GPATCH1: variants seen among roughly 807,000 people sequenced by gnomAD.
GPATCH1 encodes the protein G patch domain-containing protein 1.
Under a neutral mutation model 114.9 loss-of-function variants are expected in GPATCH1, and 73 were observed. The observed-to-expected ratio is 0.64, with a 90% CI of 0.53 to 0.77. The LOEUF (loss-of-function observed/expected upper bound fraction) is 0.77, where lower values mean the gene tolerates loss of function less well. Ranked by LOEUF, GPATCH1 falls within the 30% of genes least tolerant of loss-of-function variation. The pLI is 0.00. For synonymous variants in GPATCH1, 391 were observed against 428.4 expected (o/e 0.91, Z 1.08); for missense variants, 1,058 against 1,144.3 (o/e 0.92, Z 1.09).
chr19:33,101,970 A>G (rs1972731822), intron 9 of GPATCH1, among the ~76,000 whole-genome samples: 2 of 150,620 alleles, frequency 1.3e-5, no homozygotes, highest in Non-Finnish European at 2.9e-5. Context: ...TGGAGGTTAC[A>G]GTGAGCCAAG....
At chr19:33,118,066 G>C (rs751076152) in intron 16 of GPATCH1, 25 bp downstream of exon 16, 1 of 1,512,160 alleles carries the variant, frequency 6.6e-7, no homozygotes, top group East Asian at 2.3e-5. Flanking sequence ...CAGACTCGGG[G>C]ATCTAAAGGA....
In GPATCH1 at chr19:33,111,827, G is replaced by T. The variant is rs1167249189; in HGVS notation, c.1689G>T (p.Ser563=). ...RAALLYASSH[S]TLSSRFTHAK... is the part of the protein sequence containing the mutation. ...CCCTGCTGTACGCATCTTCCCATTCGACCTTGTCCTCCAGGTTCACTCACG... is the reference window on the plus strand; with the variant it reads ...CCCTGCTGTACGCATCTTCCCATTCTACCTTGTCCTCCAGGTTCACTCACG... The change falls in exon 12 of 20, where the codon TCG becomes TCT. Residue 563 remains serine, a synonymous_variant. Coordinates refer to ENST00000170564, the MANE Select transcript of GPATCH1 (RefSeq NM_018025.3). 9 of 1,614,064 alleles carry T rather than the reference G, an allele frequency of 5.6e-6. No homozygotes were observed. The highest frequency in any genetic ancestry group is 7.6e-6 in the Non-Finnish European group (9 of 1,179,964).
intron 19 of GPATCH1, among the ~76,000 whole-genome samples, chr19:33,127,799 C>T (rs1049798551): frequency 1.3e-5 from 2 of 151,810 alleles, no homozygotes; most frequent in Non-Finnish European, 2.9e-5. Context: ...ACCTCTGCCT[C>T]CCGGGTTCAA....
At chr19:33,096,574 A>C (rs1180457331) in intron 7 of GPATCH1, 128 bp downstream of exon 7, 2 of 731,452 alleles carry the variant, frequency 2.7e-6, no homozygotes, top group Admixed American at 6.7e-5. Flanking sequence ...AATCAGGTCA[A>C]AGATTCTTTC....
intron 2 of GPATCH1, among the ~76,000 whole-genome samples, chr19:33,088,766 C>A (rs1172118474): frequency 2.0e-5 from 3 of 151,240 alleles, no homozygotes; most frequent in Admixed American, 1.3e-4. Flanking sequence ...AAGCGATTCT[C>A]CTGCCTCAGC....
chr19:33,083,200 C>T (rs183547750), intron 1 of GPATCH1, among the ~76,000 whole-genome samples: 2,991 of 139,594 alleles, frequency 0.021, 53 homozygotes, highest in Admixed American at 0.035. Context: ...GCCAAGATGG[C>T]GCCACTGCAC....
intron 15 of GPATCH1, among the ~76,000 whole-genome samples, chr19:33,115,581 G>C (rs1972908574): frequency 6.7e-6 from 1 of 148,306 alleles, no homozygotes; most frequent in African/African-American, 2.5e-5. Flanking sequence ...CGCAACCTCT[G>C]CCTCCCGGGT....
intron 8 of GPATCH1, 105 bp from the exon 9 acceptor site, chr19:33,101,390 A>G: frequency 1.4e-6 from 1 of 699,814 alleles, no homozygotes; most frequent in South Asian, 1.6e-5. Context: ...CATGTATGAC[A>G]CGTACTATTT....
intron 8 of GPATCH1, chr19:33,100,155 A>C (rs1182896575): frequency 6.6e-6 from 1 of 151,856 alleles, no homozygotes; most frequent in Non-Finnish European, 1.5e-5. Flanking sequence ...CTTTATGTAC[A>C]TTTGTTTATT....
Position 33,109,847 on chromosome 19 carries a change from C to G in GPATCH1, c.1416C>G (p.Ser472Arg), listed in dbSNP as rs747014120. The part of the protein sequence containing the change: ...ARSLAQNAQS[S>R]RAQLSPAAAA... The stretch of plus-strand genomic sequence containing the variant: ...GTCTGGCCCAGAACGCTCAGAGCAG[C>G]AGAGCCCAGCTCTCCCCTGCAGCGG... Residue 472 changes from serine (S) to arginine (R), a missense_variant, in exon 11 of 20, where the codon AGC (serine) becomes AGG (arginine). By Grantham distance (110) the Ser-to-Arg change is moderately radical (BLOSUM62 -1). Around this residue, in one of 3 missense-constraint regions of GPATCH1, gnomAD observed 893 missense variants for 977.4 expected, o/e 0.91. Coordinates refer to ENST00000170564, the MANE Select transcript of GPATCH1 (RefSeq NM_018025.3). 3 of 1,614,120 alleles carry G rather than the reference C, an allele frequency of 1.9e-6. No individual in the cohort carries two copies. In the Admixed American group the frequency reaches 5.0e-5, roughly 27 times the overall value.
chr19:33,111,625 T>C (rs567019103), intron 11 of GPATCH1, 99 bp from the exon 12 acceptor site: 9 of 1,037,236 alleles, frequency 8.7e-6, no homozygotes, highest in Non-Finnish European at 1.3e-5. Context: ...TAAGGACTTA[T>C]GAAATATACA....
rs8113398 is a variant in GPATCH1, at chr19:33,119,154, A to G, written c.2521+37A>G. ...GCCCTTTGGTTCGCCCATTTTTATC[A>G]GTGTGTGATTGCCCTGAGATGGGGA... On this transcript the variant is annotated intron_variant, in intron 17 of 19. Coordinates refer to ENST00000170564, the MANE Select transcript of GPATCH1 (RefSeq NM_018025.3). 177,582 of 1,183,976 alleles carry G rather than the reference A, an allele frequency of 0.15. 17,896 individuals carry two copies. The highest frequency in any genetic ancestry group is 0.37 in the African/African-American group (24,226 of 66,248). 73.3% of individuals were successfully genotyped at this position (1,183,976 alleles called of 1,614,324 possible).
At chr19:33,112,340 C>A (rs190827354) in intron 12 of GPATCH1, 146 bp from the exon 13 acceptor site, 3 of 808,852 alleles carry the variant, frequency 3.7e-6, no homozygotes, top group Admixed American at 4.9e-5. Context: ...CCATTTTATG[C>A]CTTAGTTTCC....
At chr19:33,091,258 C>CA (rs1404660732) in intron 3 of GPATCH1, among the ~76,000 whole-genome samples, 3 of 151,544 alleles carry the variant, frequency 2.0e-5, no homozygotes, top group Non-Finnish European at 4.4e-5. Flanking sequence ...AAACAAAATA[C>CA]AAAAAATTAG....
In GPATCH1 at chr19:33,082,023, T is replaced by G. The variant is rs1219234549; in HGVS notation, c.73+757T>G. Reference sequence around the variant, plus strand: ...GTGCTCGGCCAATTTTTAATGTTATTCTATCTTTGATGTTGAGAATACACT... The same window carrying G: ...GTGCTCGGCCAATTTTTAATGTTATGCTATCTTTGATGTTGAGAATACACT... On this transcript the variant is annotated intron_variant, in intron 1 of 19. Transcript: ENST00000170564. Among the ~76,000 whole-genome samples the G allele has an allele frequency of 3.5e-5, 5 of 140,990 alleles. 1 individual carries two copies. Among genetic ancestry groups the G allele is most frequent in the Non-Finnish European group, 7.7e-5 (5 of 64,892 alleles). 92.5% of individuals were successfully genotyped at this position (140,990 alleles called of 152,430 possible).
At chr19:33,086,442 T>C (rs1463368218) in intron 1 of GPATCH1, among the ~76,000 whole-genome samples, 1 of 152,028 alleles carries the variant, frequency 6.6e-6, no homozygotes, top group Non-Finnish European at 1.5e-5. Context: ...CTTAGAGTGA[T>C]GAAGTAACTT....
chr19:33,112,044 C>A, intron 12 of GPATCH1, 142 bp downstream of exon 12: 3 of 619,226 alleles, frequency 4.8e-6, no homozygotes, highest in South Asian at 2.1e-5. Flanking sequence ...CGGCTCACTG[C>A]AGCCTCCGCT....
intron 7 of GPATCH1, among the ~76,000 whole-genome samples, chr19:33,096,795 A>G (rs1972665370): frequency 6.6e-6 from 1 of 150,422 alleles, no homozygotes. Flanking sequence ...TGCCCCACTA[A>G]TTTTTGTATT....
chr19:33,084,793 T>C (rs1356003271), intron 1 of GPATCH1, among the ~76,000 whole-genome samples: 1 of 152,084 alleles, frequency 6.6e-6, no homozygotes, highest in African/African-American at 2.4e-5. Context: ...CTTGAGTAGC[T>C]GAGCTTACAG....
Sources: gnomAD v4.1 joint callset for allele counts (sites outside exome capture counted in the v4.1 genomes callset) on GRCh38, gnomAD v4.1.1 for gene constraint, gnomAD v4.1.1 regional missense constraint, MANE v1.5 for transcripts, NCBI Gene and HGNC (gene_info 2026-07-23, HGNC 2026-07-21) for gene names.